The following PTPN3 variants were observed in gnomAD, a reference collection of about 807,000 sequenced individuals.
The protein encoded by PTPN3 is protein tyrosine phosphatase non-receptor type 3.
Under a neutral mutation model 132.7 loss-of-function variants are expected in PTPN3, and 96 were observed. The ratio of observed to expected loss-of-function variants is 0.72; its 90% CI spans 0.61 to 0.86. The LOEUF (loss-of-function observed/expected upper bound fraction) is 0.86. PTPN3 is among the 40% of genes least tolerant of loss of function. The pLI is 0.00. For missense variants in PTPN3, 1,125 were observed against 1,159.6 expected (o/e 0.97, Z 0.43); for synonymous variants, 398 against 429.0 (o/e 0.93, Z 0.89).
At chr9:109,453,165 G>A (rs1845366073) in intron 5 of PTPN3, among the ~76,000 whole-genome samples, 1 of 152,150 alleles carries the variant, frequency 6.6e-6, no homozygotes, top group African/African-American at 2.4e-5. Flanking sequence ...GGGAGGAGGT[G>A]CACAAAGAAG....
At chr9:109,507,722 G>A in the PTPN3 span, among the ~76,000 whole-genome samples, 2 of 152,334 alleles carry the variant, frequency 1.3e-5, no homozygotes, top group Non-Finnish European at 2.9e-5. Flanking sequence ...CACATAAGGG[G>A]TGCAGATTGA....
At chr9:109,485,999 A>T (rs1379304577) in intron 1 of PTPN3, among the ~76,000 whole-genome samples, 1 of 152,222 alleles carries the variant, frequency 6.6e-6, no homozygotes, top group Non-Finnish European at 1.5e-5. Context: ...ACAACAGAAA[A>T]CATTACAATG....
chr9:109,434,111 CTT>C (rs1843862050), intron 9 of PTPN3, among the ~76,000 whole-genome samples: 1 of 152,194 alleles, frequency 6.6e-6, no homozygotes, highest in Admixed American at 6.5e-5. Flanking sequence ...CATTTACCTT[CTT>C]GTTTTCCCAA....
Position 109,408,391 on chromosome 9 carries a change from A to T in PTPN3, c.1579-14T>A. Reference sequence around the variant, plus strand: ...ATCCACTCCTCCCTGTAAACATTTTAAAATAAAAACAAAACAAAGTTTTTT... The same window carrying T: ...ATCCACTCCTCCCTGTAAACATTTTTAAATAAAAACAAAACAAAGTTTTTT... On this transcript the variant is annotated splice_polypyrimidine_tract_variant and intron_variant, in intron 16 of 25. Coordinates refer to ENST00000374541, the MANE Select transcript of PTPN3 (RefSeq NM_002829.4). The T allele has an allele frequency of 1.3e-6, 2 of 1,573,648 alleles. No homozygotes were observed. The highest frequency in any genetic ancestry group is 1.7e-6 in the Non-Finnish European group (2 of 1,159,132).
chr9:109,472,891 C>T (rs191341232), intron 1 of PTPN3, among the ~76,000 whole-genome samples: 12 of 152,290 alleles, frequency 7.9e-5, no homozygotes, highest in African/African-American at 1.7e-4. Flanking sequence ...GCTAATTCAA[C>T]GTTAAAGCCA....
intron 5 of PTPN3, chr9:109,450,227 A>T: frequency 1.4e-5 from 14 of 985,348 alleles, no homozygotes; most frequent in Non-Finnish European, 1.6e-5. Context: ...TATAACATAC[A>T]TTTGCTGATT....
chr9:109,471,393 T>TAC (rs2132073311), intron 1 of PTPN3, among the ~76,000 whole-genome samples: 1 of 152,312 alleles, frequency 6.6e-6, no homozygotes, highest in Admixed American at 6.5e-5. Flanking sequence ...CTCATCTGTA[T>TAC]ACACACACAG....
chr9:109,436,339 C>T (rs189502979), intron 9 of PTPN3, among the ~76,000 whole-genome samples: 116 of 152,298 alleles, frequency 7.6e-4, no homozygotes, highest in African/African-American at 2.7e-3. Context: ...ACATATGGAA[C>T]TCATGGTATT....
At chr9:109,483,495 T>A (rs969592158) in intron 1 of PTPN3, among the ~76,000 whole-genome samples, 1 of 152,118 alleles carries the variant, frequency 6.6e-6, no homozygotes, top group Admixed American at 6.5e-5. Context: ...GAGAGAGGGA[T>A]GCAGAAATCA....
At chr9:109,493,138 C>G (rs749124288) in intron 1 of PTPN3, among the ~76,000 whole-genome samples, 1 of 152,226 alleles carries the variant, frequency 6.6e-6, no homozygotes, top group Non-Finnish European at 1.5e-5. Flanking sequence ...CACAGTGGTT[C>G]ACGCCTGTGA....
At chr9:109,493,360 G>A (rs1031795288) in intron 1 of PTPN3, among the ~76,000 whole-genome samples, 10 of 152,194 alleles carry the variant, frequency 6.6e-5, no homozygotes, top group African/African-American at 2.4e-4. Context: ...CACCCCCTCT[G>A]TAAAATGGGG....
chr9:109,433,091 C>T lies in PTPN3; in HGVS notation c.746G>A (p.Cys249Tyr). The T allele has an allele frequency of 6.2e-7, 1 of 1,614,010 alleles. No homozygotes were observed. Among genetic ancestry groups the T allele is most frequent in the Non-Finnish European group, 8.5e-7 (1 of 1,179,960 alleles). The change falls in exon 10 of 26, where the codon TGC (cysteine) becomes TAC (tyrosine). Residue 249 changes from cysteine (C) to tyrosine (Y), a missense_variant. Physicochemically the swap from Cys to Tyr is radical, Grantham distance 194. Coordinates refer to ENST00000374541, the MANE Select transcript of PTPN3 (RefSeq NM_002829.4). ...CACTTACCAAGGATAGAAACTTGTG[C>T]AAATGTATTTTCGGTACACAGCAAC... The part of the protein sequence containing the change: ...AGVAVYRKYI[C>Y]TSFYPWVNIL...
chr9:109,386,350 G>A (rs1257212296), intron 22 of PTPN3, among the ~76,000 whole-genome samples: 2 of 152,198 alleles, frequency 1.3e-5, no homozygotes, highest in African/African-American at 4.8e-5. Flanking sequence ...GGAGTCATGG[G>A]CCAAATTTAG....
intron 17 of PTPN3, among the ~76,000 whole-genome samples, chr9:109,406,988 T>C (rs907645915): frequency 3.9e-5 from 6 of 152,210 alleles, no homozygotes; most frequent in African/African-American, 9.6e-5. Flanking sequence ...GGTGAGTATT[T>C]ATCTGTCTTG....
chr9:109,453,614 T>C (rs191359750), intron 5 of PTPN3, among the ~76,000 whole-genome samples: 38 of 152,298 alleles, frequency 2.5e-4, no homozygotes, highest in Admixed American at 2.4e-3. Context: ...CTTTCCCTTA[T>C]CTGGTTCACA....
At chr9:109,457,055 T>C in intron 4 of PTPN3, 118 bp downstream of exon 4, 1 of 1,080,396 alleles carries the variant, frequency 9.3e-7, no homozygotes, top group African/African-American at 1.6e-5. Flanking sequence ...CACTCATGAC[T>C]CCTGGACACC....
chr9:109,383,629 G>T, intron 22 of PTPN3, 78 bp from the exon 23 acceptor site: 1 of 1,553,550 alleles, frequency 6.4e-7, no homozygotes, highest in Non-Finnish European at 8.7e-7. Context: ...ACAGGTGGAC[G>T]GGTTAGGCAT....
intron 22 of PTPN3, 88 bp from the exon 23 acceptor site, chr9:109,383,639 T>A (rs1839317447): frequency 6.6e-7 from 1 of 1,523,002 alleles, no homozygotes; most frequent in Non-Finnish European, 8.9e-7. Flanking sequence ...GGGTTAGGCA[T>A]CCTCTCATGC....
chr9:109,409,792 G>A (rs891100705), intron 16 of PTPN3, among the ~76,000 whole-genome samples: 3 of 151,554 alleles, frequency 2.0e-5, no homozygotes, highest in South Asian at 4.2e-4. Context: ...AGGTTTGGGC[G>A]ATAAAGTGAG....
Sources: gnomAD v4.1 joint callset for allele counts (sites outside exome capture counted in the v4.1 genomes callset) on GRCh38, gnomAD v4.1.1 for gene constraint, MANE v1.5 for transcripts, NCBI Gene and HGNC (gene_info 2026-07-23, HGNC 2026-07-21) for gene names.